The following CACNA2D2 variants were observed in gnomAD, a reference collection of about 807,000 sequenced individuals.
The protein encoded by CACNA2D2 is voltage-dependent calcium channel subunit alpha-2/delta-2.
A neutral mutation model predicts 166.4 loss-of-function variants in CACNA2D2; 48 were observed. The ratio of observed to expected loss-of-function variants is 0.29; its 90% CI spans 0.23 to 0.37. The LOEUF is 0.37. Among genes scored for constraint, CACNA2D2 ranks in the 10% least tolerant of loss-of-function variants. The probability of loss-of-function intolerance (pLI) is 1.00; values close to 1 mark genes in which losing one functional copy is unlikely to be tolerated. For missense variants in CACNA2D2, 1,122 were observed against 1,433.0 expected, an observed-to-expected ratio of 0.78 and a Z score of 3.50; for synonymous variants, 561 against 573.7, an observed-to-expected ratio of 0.98 and a Z score of 0.32.
intron 3 of CACNA2D2, among the ~76,000 whole-genome samples, chr3:50,410,485 G>GGGC (rs1706955091): frequency 1.3e-5 from 2 of 152,022 alleles, no homozygotes; most frequent in Admixed American, 1.3e-4. Context: ...TGGGATGGGG[G>GGGC]GGGGGGTGTT....
intron 1 of CACNA2D2, among the ~76,000 whole-genome samples, chr3:50,499,185 G>T (rs563254042): frequency 2.4e-4 from 37 of 152,358 alleles, no homozygotes; most frequent in Middle Eastern, 3.4e-3. Context: ...CCAGAGCTGG[G>T]ATGGGAAGGC....
Position 50,377,992 on chromosome 3 carries a change from T to C in CACNA2D2, c.1479+16A>G, listed in dbSNP as rs1316006148. 3.7e-6 allele frequency: 6 copies of C among 1,612,144 alleles called. No homozygotes were observed. The African/African-American group carries it at 5.3e-5, about 14-fold the overall frequency. ...AAGGGTGCCAGCCCCACCCCTTCCT[T>C]GTCCAGAGGCCTTACCAGTGCATCC... On this transcript the variant is annotated intron_variant, in intron 15 of 37. Coordinates refer to ENST00000424201, the MANE Select transcript of CACNA2D2 (RefSeq NM_006030.4).
chr3:50,382,576 A>G (rs2106679021), intron 6 of CACNA2D2, among the ~76,000 whole-genome samples: 1 of 152,280 alleles, frequency 6.6e-6, no homozygotes, highest in Middle Eastern at 3.4e-3. Flanking sequence ...AACAAAACAC[A>G]TTTCAAGCAT....
chr3:50,409,926 C>T (rs995475415), intron 3 of CACNA2D2, among the ~76,000 whole-genome samples: 2 of 152,232 alleles, frequency 1.3e-5, no homozygotes, highest in African/African-American at 4.8e-5. Context: ...GGGCACTTGT[C>T]TTCCCATGTG....
In CACNA2D2 at chr3:50,378,919, G is replaced by A; in HGVS notation, c.1335C>T (p.Asn445=). Residue 445 remains asparagine, a synonymous_variant, in exon 13 of 38, where the codon AAC becomes AAT. Coordinates refer to ENST00000424201, the MANE Select transcript of CACNA2D2 (RefSeq NM_006030.4). ...AGTGATGCGCAGGGGAGGTACCTTT[G>A]TTGGCACAGGCCATCCACTGCAGCG... ...VTPLQWMACA[N]KGYYFEIPSI... is the part of the protein sequence containing the mutation. 1 of 1,613,778 alleles carries A rather than the reference G, an allele frequency of 6.2e-7. No homozygotes were observed. The highest frequency in any genetic ancestry group is 8.5e-7 in the Non-Finnish European group (1 of 1,180,030).
chr3:50,449,890 G>C (rs1238562303), intron 2 of CACNA2D2, among the ~76,000 whole-genome samples: 1 of 152,192 alleles, frequency 6.6e-6, no homozygotes, highest in Non-Finnish European at 1.5e-5. Context: ...CTTCACCCAT[G>C]AAGTGGAGCT....
At chr3:50,412,134 G>A (rs904942266) in intron 3 of CACNA2D2, among the ~76,000 whole-genome samples, 14 of 152,216 alleles carry the variant, frequency 9.2e-5, no homozygotes, top group African/African-American at 9.6e-5. Context: ...CCTCTGCCCC[G>A]TCATTGTTAC....
chr3:50,483,674 A>G (rs1390192385), intron 1 of CACNA2D2, among the ~76,000 whole-genome samples: 1 of 152,190 alleles, frequency 6.6e-6, no homozygotes, highest in Admixed American at 6.5e-5. Flanking sequence ...AGCAATACCC[A>G]GGTGGCCCAC....
intron 2 of CACNA2D2, among the ~76,000 whole-genome samples, chr3:50,444,645 C>G (rs1361505935): frequency 6.6e-6 from 1 of 152,218 alleles, no homozygotes. Flanking sequence ...CTGAGACTTG[C>G]TAAAGATGTC....
chr3:50,424,983 C>A (rs905409612), intron 3 of CACNA2D2, among the ~76,000 whole-genome samples: 3 of 152,130 alleles, frequency 2.0e-5, no homozygotes, highest in Non-Finnish European at 2.9e-5. Context: ...AGCCAAGGTA[C>A]CTCCCACAGG....
chr3:50,498,447 A>T (rs888852023), intron 1 of CACNA2D2, among the ~76,000 whole-genome samples: 6 of 152,118 alleles, frequency 3.9e-5, no homozygotes, highest in Admixed American at 3.3e-4. Context: ...CTCCGGAATC[A>T]GACTGGAATC....
intron 2 of CACNA2D2, among the ~76,000 whole-genome samples, chr3:50,451,935 A>C (rs948278212): frequency 1.3e-5 from 2 of 152,182 alleles, no homozygotes; most frequent in Admixed American, 6.5e-5. Context: ...CGCTGGCAAG[A>C]GGCATAACCA....
intron 2 of CACNA2D2, among the ~76,000 whole-genome samples, chr3:50,452,709 T>C (rs896894736): frequency 2.6e-5 from 4 of 152,208 alleles, no homozygotes; most frequent in South Asian, 4.1e-4. Flanking sequence ...CTTGGCAGGA[T>C]ATAAGATGAT....
chr3:50,418,944 T>G (rs557174105), intron 3 of CACNA2D2, among the ~76,000 whole-genome samples: 1 of 151,276 alleles, frequency 6.6e-6, no homozygotes, highest in African/African-American at 2.4e-5. Context: ...AGTGTGGGAG[T>G]TGGGGGATGA....
At chr3:50,401,225 T>G (rs572528566) in intron 3 of CACNA2D2, among the ~76,000 whole-genome samples, 1 of 149,398 alleles carries the variant, frequency 6.7e-6, no homozygotes, top group South Asian at 2.1e-4. Flanking sequence ...CTCATGCGTC[T>G]TCTGCAAATT....
chr3:50,464,582 G>A (rs991596170), intron 2 of CACNA2D2, among the ~76,000 whole-genome samples: 5 of 152,198 alleles, frequency 3.3e-5, no homozygotes, highest in East Asian at 1.9e-4. Flanking sequence ...GTCTGAGGGG[G>A]AGACACAGTA....
intron 1 of CACNA2D2, among the ~76,000 whole-genome samples, chr3:50,480,254 G>A (rs9827799): frequency 6.6e-6 from 1 of 152,176 alleles, no homozygotes; most frequent in East Asian, 1.9e-4. Flanking sequence ...CACTTCTGCC[G>A]CTGTGTGACC....
rs770308421 is a variant in CACNA2D2 at position 50,379,108 on chromosome 3, T to C, written c.1244A>G (p.Asn415Ser). The C allele has an allele frequency of 6.8e-6, 11 of 1,613,808 alleles. No homozygotes were observed. The highest frequency in any genetic ancestry group is 3.3e-5 in the South Asian group (3 of 91,088). ...DRVQDVFEKY[N>S]WPNRTVRVFT... ...GAGCCTCACCGTCCGGTTTGGCCAA[T>C]TGTACTTCTCAAAGACGTCCTGCAC... Residue 415 changes from asparagine to serine, a missense_variant, in exon 12 of 38, where the codon AAT (asparagine) becomes AGT (serine). Around this residue, in one of 2 missense-constraint regions of CACNA2D2, gnomAD observed 840 missense variants for 1,166.8 expected, o/e 0.72. Transcript: ENST00000424201. The surrounding 1 kb of genome is among the most constrained non-coding windows in gnomAD (Gnocchi z 6.5).
In CACNA2D2 at chr3:50,363,679, G is replaced by A. The variant is rs889513440; in HGVS notation, c.*987C>T. 3 of 165,690 alleles carry A rather than the reference G, an allele frequency of 1.8e-5. No individual in the cohort carries two copies. Among genetic ancestry groups the A allele is most frequent in the African/African-American group, 7.1e-5 (3 of 41,992 alleles). The allele number at this position is 165,690 out of a possible 1,614,324, so 10.3% of individuals were successfully genotyped here. On this transcript the variant is annotated 3_prime_UTR_variant, in exon 38 of 38. Coordinates refer to ENST00000424201, the MANE Select transcript of CACNA2D2 (RefSeq NM_006030.4). Reference sequence around the variant, plus strand: ...GATGTCTGGTGGGGGTTCCTCTGCCGAAAGGTGCAGGCAGTGGCATGTGGT... The same window carrying A: ...GATGTCTGGTGGGGGTTCCTCTGCCAAAAGGTGCAGGCAGTGGCATGTGGT...
Sources: allele counts gnomAD v4.1 joint callset (sites outside exome capture counted in the v4.1 genomes callset), GRCh38; gene constraint gnomAD v4.1.1; regional missense constraint gnomAD v4.1.1; non-coding constraint Gnocchi (gnomAD v3.1); transcripts MANE v1.5; gene names NCBI Gene and HGNC (gene_info 2026-07-23, HGNC 2026-07-21).